Variants in ANOS1 observed in about 807,000 individuals in gnomAD.
The protein encoded by ANOS1 is anosmin 1.
Under a neutral mutation model 59.0 loss-of-function variants are expected in ANOS1, and 6 were observed. That is an observed-to-expected ratio of 0.10 (90% CI 0.06 to 0.20). The LOEUF is 0.20. Ranked by LOEUF, ANOS1 falls within the 10% of genes least tolerant of loss-of-function variation. The pLI is 1.00. For missense variants in ANOS1, 433 were observed against 542.3 expected, an observed-to-expected ratio of 0.80 and a Z score of 2.00; for synonymous variants, 217 against 223.4, an observed-to-expected ratio of 0.97 and a Z score of 0.25.
chrX:8,604,932 A>C (rs574167854), intron 3 of ANOS1, among the ~76,000 whole-genome samples: 2 of 112,786 alleles, frequency 1.8e-5, no homozygotes, highest in Admixed American at 1.9e-4. Flanking sequence ...AACAGTACAA[A>C]TGCTGTGGTG....
At chrX:8,587,129 T>TG (rs1263922777) in intron 5 of ANOS1, among the ~76,000 whole-genome samples, 100 of 102,083 alleles carry the variant, frequency 9.8e-4, no homozygotes, top group Non-Finnish European at 1.7e-3. Context: ...TTTGTGTGTG[T>TG]GTGTGGGGGG....
chrX:8,686,101 C>A (rs1310267687), intron 2 of ANOS1, among the ~76,000 whole-genome samples: 1 of 112,114 alleles, frequency 8.9e-6, no homozygotes, highest in Admixed American at 9.5e-5. Context: ...ACAAGAGGCT[C>A]CCATTGCTCT....
chrX:8,550,482 C>T (rs1929838789), intron 9 of ANOS1, among the ~76,000 whole-genome samples: 1 of 110,304 alleles, frequency 9.1e-6, no homozygotes, highest in African/African-American at 3.3e-5. Flanking sequence ...TTGTGGAAAT[C>T]GAAAAATTAA....
chrX:8,685,609 A>AAAGG (rs1932504414), intron 2 of ANOS1, among the ~76,000 whole-genome samples: 1 of 81,043 alleles, frequency 1.2e-5, no homozygotes, highest in Non-Finnish European at 2.3e-5. Context: ...AGAAAGAAAG[A>AAAGG]AAGAAAGAAA....
At chrX:8,622,999 G>A (rs761984846) in intron 3 of ANOS1, among the ~76,000 whole-genome samples, 10 of 108,391 alleles carry the variant, frequency 9.2e-5, no homozygotes, top group Non-Finnish European at 1.3e-4. Context: ...ATGGATAGCC[G>A]GATGGATGGA....
At chrX:8,612,717 G>A (rs1439612006) in intron 3 of ANOS1, among the ~76,000 whole-genome samples, 4 of 110,430 alleles carry the variant, frequency 3.6e-5, no homozygotes, top group African/African-American at 1.3e-4. Context: ...TGAATTAGGC[G>A]ATAATATGAC....
rs756923731 is a variant in ANOS1 at position 8,731,813 on chromosome X, C to A, written c.207+17G>T. 3.1e-5 allele frequency: 36 copies of A among 1,179,214 alleles called. No individual in the cohort carries two copies. In the Admixed American group the frequency reaches 8.3e-4, roughly 27 times the overall value. On this transcript the variant is annotated intron_variant, in intron 1 of 13. Transcript: ENST00000262648. ...GCCGCAGCCCCAGAAAGAACCCGGGCGGGGGCCTCCCCGTACCTGGAAGTG... is the reference window on the plus strand; with the variant it reads ...GCCGCAGCCCCAGAAAGAACCCGGGAGGGGGCCTCCCCGTACCTGGAAGTG...
chrX:8,666,856 T>C (rs181665769), intron 2 of ANOS1, among the ~76,000 whole-genome samples: 1,196 of 111,503 alleles, frequency 0.011, 5 homozygotes, highest in Non-Finnish European at 0.017. Flanking sequence ...CTCACACAAC[T>C]CACTTCACCT....
Position 8,536,592 on chromosome X carries a change from C to T in ANOS1, c.1621+179G>A, listed in dbSNP as rs1457887001. Among the ~76,000 whole-genome samples, 6 of 112,067 alleles carry T rather than the reference C, an allele frequency of 5.4e-5. No individual in the cohort carries two copies. In the East Asian group the frequency reaches 1.7e-3, roughly 32 times the overall value. Reference sequence around the variant, plus strand: ...AGGACATCTTTCCAAGCCTGTTAGGCTTTAAAATAACACATTCATTCCTAC... The same window carrying T: ...AGGACATCTTTCCAAGCCTGTTAGGTTTTAAAATAACACATTCATTCCTAC... On this transcript the variant is annotated intron_variant, in intron 11 of 13. Coordinates refer to ENST00000262648, the MANE Select transcript of ANOS1 (RefSeq NM_000216.4).
chrX:8,553,343 C>T (rs1929887844), intron 9 of ANOS1, among the ~76,000 whole-genome samples: 1 of 111,616 alleles, frequency 9.0e-6, no homozygotes, highest in Non-Finnish European at 1.9e-5. Flanking sequence ...TTTCATTGTA[C>T]TGGAATAATG....
At chrX:8,584,346 A>C (rs903297482) in intron 6 of ANOS1, among the ~76,000 whole-genome samples, 4 of 111,268 alleles carry the variant, frequency 3.6e-5, no homozygotes, top group African/African-American at 1.3e-4. Context: ...TTTATTTACA[A>C]TTTCACTTTA....
chrX:8,588,017 G>A (rs757489327), intron 4 of ANOS1, 39 bp from the exon 5 acceptor site: 1 of 1,092,107 alleles, frequency 9.2e-7, no homozygotes. Context: ...ATCTGCGTGT[G>A]ACTCAAATTG....
chrX:8,669,950 A>T (rs1488220904), intron 2 of ANOS1, among the ~76,000 whole-genome samples: 1 of 112,133 alleles, frequency 8.9e-6, no homozygotes, highest in African/African-American at 3.2e-5. Flanking sequence ...TATACTCTTA[A>T]GTAACTTTCA....
At chrX:8,685,597 GAAGAAAGAAAGAAAGA>G (rs557905634) in intron 2 of ANOS1, among the ~76,000 whole-genome samples, 1,014 of 57,232 alleles carry the variant, frequency 0.018, 28 homozygotes, top group African/African-American at 0.045. Flanking sequence ...AGAAAGAAAG[GAAGAAAGAAAGAAAGA>G]AAGAAAGAAA....
chrX:8,677,786 T>C (rs1023121262), intron 2 of ANOS1, among the ~76,000 whole-genome samples: 24 of 111,698 alleles, frequency 2.1e-4, no homozygotes, highest in Admixed American at 1.9e-3. Flanking sequence ...ATGTGCTGCC[T>C]TTAACTCAGA....
intron 2 of ANOS1, among the ~76,000 whole-genome samples, chrX:8,693,778 G>A (rs967993674): frequency 1.6e-4 from 14 of 87,976 alleles, no homozygotes; most frequent in Admixed American, 1.5e-3. Context: ...TCACTCTGTC[G>A]CCAGGCTGGA....
At chrX:8,687,921 A>G (rs1199332235) in intron 2 of ANOS1, among the ~76,000 whole-genome samples, 1 of 112,262 alleles carries the variant, frequency 8.9e-6, no homozygotes, top group Non-Finnish European at 1.9e-5. Context: ...ATTTTCCTAC[A>G]ATGACTGCTC....
In ANOS1 at chrX:8,612,716, C is replaced by T. The variant is rs188528538; in HGVS notation, c.318+10892G>A. On this transcript the variant is annotated intron_variant, in intron 3 of 13. Coordinates refer to ENST00000262648, the MANE Select transcript of ANOS1 (RefSeq NM_000216.4). ...ATGCTAACGATAAAGGTGAATTAGG[C>T]GATAATATGACCTATGCTATTTTTA... 6.3e-3 allele frequency among the ~76,000 whole-genome samples: 693 copies of T among 109,305 alleles called. 11 individuals carry two copies. The highest frequency in any genetic ancestry group is 0.021 in the African/African-American group (640 of 30,150). 94.9% of individuals were successfully genotyped at this position (109,305 alleles called of 115,157 possible). A position where few individuals can be genotyped will look rare whatever the true frequency, so the allele number is the denominator to read the frequency against.
chrX:8,559,333 A>T (rs138707825), intron 8 of ANOS1, among the ~76,000 whole-genome samples: 81 of 77,537 alleles, frequency 1.0e-3, no homozygotes, highest in African/African-American at 3.5e-3. Flanking sequence ...TATTAAAAGC[A>T]TGAACTTTTT....
Sources: allele counts gnomAD v4.1 joint callset (sites outside exome capture counted in the v4.1 genomes callset), GRCh38; gene constraint gnomAD v4.1.1; transcripts MANE v1.5; gene names NCBI Gene and HGNC (gene_info 2026-07-23, HGNC 2026-07-21).